ADAMTSL1: variants seen among roughly 807,000 people sequenced by gnomAD.
The protein encoded by ADAMTSL1 is ADAMTS like 1, also known as ADAMTS-like protein 1.
ADAMTSL1 carries 126 observed loss-of-function variants against 201.8 expected under a neutral mutation model. That is an observed-to-expected ratio of 0.62 (90% confidence interval 0.54 to 0.72). ADAMTSL1 has a LOEUF of 0.72. ADAMTSL1 is among the 30% of genes least tolerant of loss of function. The pLI is 0.00. For missense variants in ADAMTSL1, 2,679 were observed against 2,277.8 expected, an observed-to-expected ratio of 1.18 and a Z score of -3.59; for synonymous variants, 1,121 against 903.4, an observed-to-expected ratio of 1.24 and a Z score of -4.32.
chr9:18,745,227 A>G (rs1457754852), intron 15 of ADAMTSL1, among the ~76,000 whole-genome samples: 1 of 152,158 alleles, frequency 6.6e-6, no homozygotes, highest in African/African-American at 2.4e-5. Flanking sequence ...ATGATTGCCA[A>G]ATGGTAACTT....
intron 20 of ADAMTSL1, among the ~76,000 whole-genome samples, chr9:18,798,627 T>C (rs1822579389): frequency 6.6e-6 from 1 of 152,186 alleles, no homozygotes; most frequent in Non-Finnish European, 1.5e-5. Context: ...GAAGCTAGAT[T>C]AGCCATCTGG....
At chr9:18,639,612 A>ATCTTTATTATAT (rs1222301732) in intron 7 of ADAMTSL1, among the ~76,000 whole-genome samples, 1 of 152,070 alleles carries the variant, frequency 6.6e-6, no homozygotes, top group Non-Finnish European at 1.5e-5. Flanking sequence ...GTCATAGAAA[A>ATCTTTATTATAT]TCTTTATTAT....
intron 2 of ADAMTSL1, among the ~76,000 whole-genome samples, chr9:18,201,330 G>A (rs1005142266): frequency 1.3e-5 from 2 of 151,972 alleles, no homozygotes; most frequent in African/African-American, 4.8e-5. Context: ...CTACTGTATT[G>A]GATGATGTCG....
At chr9:18,693,093 A>G (rs1831331408) in intron 13 of ADAMTSL1, among the ~76,000 whole-genome samples, 1 of 152,216 alleles carries the variant, frequency 6.6e-6, no homozygotes, top group Non-Finnish European at 1.5e-5. Flanking sequence ...AAAAAAGACA[A>G]AAGCTCTCCT....
intron 19 of ADAMTSL1, among the ~76,000 whole-genome samples, chr9:18,788,803 C>T (rs985616498): frequency 1.3e-5 from 2 of 151,592 alleles, no homozygotes; most frequent in African/African-American, 4.8e-5. Context: ...CTCCTGAGTT[C>T]ACTGTTTTCC....
At chr9:18,491,612 A>G (rs1328827370) in intron 1 of ADAMTSL1, among the ~76,000 whole-genome samples, 1 of 152,232 alleles carries the variant, frequency 6.6e-6, no homozygotes, top group Non-Finnish European at 1.5e-5. Flanking sequence ...GGTTTTGCAG[A>G]TGGCTCCTTA....
intron 2 of ADAMTSL1, among the ~76,000 whole-genome samples, chr9:18,360,178 T>C (rs1420699588): frequency 6.6e-6 from 1 of 152,142 alleles, no homozygotes; most frequent in Admixed American, 6.6e-5. Context: ...CTCTGTCCTC[T>C]GATCCCCAAG....
intron 2 of ADAMTSL1, among the ~76,000 whole-genome samples, chr9:18,308,082 C>A (rs1407965225): frequency 6.6e-6 from 1 of 152,060 alleles, no homozygotes; most frequent in African/African-American, 2.4e-5. Context: ...ACAACCTGCT[C>A]CTGAATGACT....
rs1442658416 is a variant in ADAMTSL1, at chr9:18,770,517, C to G, written c.2218-85C>G. 9 of 1,349,786 alleles carry G rather than the reference C, an allele frequency of 6.7e-6. No individual in the cohort carries two copies. The African/African-American group carries it at 1.3e-4, about 20-fold the overall frequency. The allele number at this position is 1,349,786 out of a possible 1,614,324, so 83.6% of individuals were successfully genotyped here. On this transcript the variant is annotated intron_variant, in intron 16 of 28. Transcript: ENST00000380548. ...CTGGATTTTTTTTTCTTCCTTTACT[C>G]TGCCAAATTAAGATAAGAATTAGCA...
chr9:18,109,547 C>T (rs1824910837), intron 1 of ADAMTSL1, among the ~76,000 whole-genome samples: 1 of 152,138 alleles, frequency 6.6e-6, no homozygotes, highest in African/African-American at 2.4e-5. Context: ...AAGGCATGGC[C>T]ATGTGGTCTT....
chr9:18,354,867 A>G lies in ADAMTSL1; in HGVS notation c.208-149962A>G, dbSNP rs571078752. Among the ~76,000 whole-genome samples the G allele has an allele frequency of 9.2e-5, 14 of 152,216 alleles. No homozygotes were observed. In the South Asian group the frequency reaches 2.9e-3, roughly 32 times the overall value. The stretch of plus-strand genomic sequence containing the variant: ...ACGCCTGTAGTCCCAGGTACTTGGG[A>G]AGCCGAGGCAGGATAATTGCTTGGA... On this transcript the variant is annotated intron_variant, in intron 2 of 29. Transcript: ENST00000680146.
intron 1 of ADAMTSL1, among the ~76,000 whole-genome samples, chr9:18,475,599 G>A (rs923265157): frequency 1.3e-5 from 2 of 152,130 alleles, no homozygotes; most frequent in Non-Finnish European, 2.9e-5. Context: ...TGAACTATAA[G>A]TTTTAGCTGT....
rs76341095 is a variant in ADAMTSL1, at chr9:18,052,938, A to G, written c.88-110924A>G. Among the ~76,000 whole-genome samples the G allele has an allele frequency of 8.0e-3, 1,215 of 152,276 alleles. 14 individuals carry two copies. Among genetic ancestry groups the G allele is most frequent in the African/African-American group, 0.028 (1,168 of 41,552 alleles). On this transcript the variant is annotated intron_variant, in intron 1 of 29. Transcript: ENST00000680146. ...TTTTTTTTCTCTAGTAGGTTTGAAC[A>G]TGGGGCTCCAATTTAGAAATGGGTT...
At chr9:18,720,742 C>G (rs748951625) in intron 14 of ADAMTSL1, among the ~76,000 whole-genome samples, 1 of 151,706 alleles carries the variant, frequency 6.6e-6, no homozygotes, top group Admixed American at 6.6e-5. Flanking sequence ...GAGATCGTGC[C>G]ACTACACTCC....
chr9:18,538,085 A>C (rs1024858438), intron 3 of ADAMTSL1, among the ~76,000 whole-genome samples: 4 of 152,064 alleles, frequency 2.6e-5, no homozygotes, highest in Non-Finnish European at 4.4e-5. Flanking sequence ...TGAAAAAGAT[A>C]GGTTTGGCTG....
intron 2 of ADAMTSL1, among the ~76,000 whole-genome samples, chr9:18,234,366 G>A (rs1830759182): frequency 2.6e-5 from 4 of 152,126 alleles, no homozygotes; most frequent in Admixed American, 2.6e-4. Context: ...ATAGTTGGAT[G>A]GCAGCAGCTG....
chr9:18,626,564 G>T (rs1250656618), intron 5 of ADAMTSL1, among the ~76,000 whole-genome samples: 1 of 152,194 alleles, frequency 6.6e-6, no homozygotes, highest in African/African-American at 2.4e-5. Flanking sequence ...ATGATATGAG[G>T]CTGGGGGAAG....
chr9:18,050,480 G>T (rs1025706461), intron 1 of ADAMTSL1, among the ~76,000 whole-genome samples: 1 of 152,144 alleles, frequency 6.6e-6, no homozygotes, highest in African/African-American at 2.4e-5. Flanking sequence ...CATCAATTCA[G>T]ATGCCAAATC....
chr9:18,626,175 C>T (rs1478247247), intron 5 of ADAMTSL1, among the ~76,000 whole-genome samples: 3 of 152,156 alleles, frequency 2.0e-5, no homozygotes, highest in African/African-American at 7.2e-5. Context: ...CTGCTATATG[C>T]TGAGGAACTG....
Sources: allele counts gnomAD v4.1 joint callset (sites outside exome capture counted in the v4.1 genomes callset), GRCh38; gene constraint gnomAD v4.1.1; transcripts MANE v1.5; gene names NCBI Gene and HGNC (gene_info 2026-07-23, HGNC 2026-07-21).